ME3: variants seen among roughly 807,000 people sequenced by gnomAD.
ME3 encodes NADP-dependent malic enzyme, mitochondrial.
In ME3, 48 loss-of-function variants were observed where a neutral mutation model predicts 68.9. The observed-to-expected ratio is 0.70, with a 90% CI of 0.55 to 0.89. The LOEUF is 0.89. ME3 is among the 40% of genes least tolerant of loss of function. The pLI is 0.00. For missense variants in ME3, 675 were observed against 797.4 expected (o/e 0.85, Z 1.85); for synonymous variants, 320 against 318.8 (o/e 1.00, Z -0.04).
intron 4 of ME3, among the ~76,000 whole-genome samples, chr11:86,552,018 T>G (rs922717397): frequency 3.3e-5 from 5 of 152,186 alleles, no homozygotes; most frequent in Non-Finnish European, 7.4e-5. Flanking sequence ...TTCAGAGGAC[T>G]GGGGTGGCCT....
chr11:86,480,313 C>G (rs534894510), intron 7 of ME3, among the ~76,000 whole-genome samples: 16 of 152,296 alleles, frequency 1.1e-4, no homozygotes, highest in African/African-American at 3.8e-4. Context: ...GTTGCAGTAC[C>G]TACTGTTTCT....
intron 4 of ME3, among the ~76,000 whole-genome samples, chr11:86,520,030 T>G (rs78303371): frequency 0.045 from 6,919 of 152,278 alleles, 168 homozygotes; most frequent in South Asian, 0.1. Flanking sequence ...TTTGATTATT[T>G]GAACCCACTG....
chr11:86,569,481 A>T (rs1320291393), intron 2 of ME3, among the ~76,000 whole-genome samples: 2 of 152,092 alleles, frequency 1.3e-5, no homozygotes, highest in East Asian at 3.9e-4. Context: ...CCCTTCTCTC[A>T]GAGTCAGTGT....
intron 2 of ME3, among the ~76,000 whole-genome samples, chr11:86,657,149 C>T (rs1945945775): frequency 6.6e-6 from 1 of 152,156 alleles, no homozygotes; most frequent in South Asian, 2.1e-4. Context: ...AATCATTCTG[C>T]TATAAAGACA....
chr11:86,463,156 C>T (rs571580021), intron 8 of ME3, among the ~76,000 whole-genome samples: 63 of 152,280 alleles, frequency 4.1e-4, no homozygotes, highest in Middle Eastern at 3.4e-3. Context: ...CAGGGCCTGG[C>T]CGTGTTCCTG....
At chr11:86,527,275 A>G (rs1378366465) in intron 4 of ME3, among the ~76,000 whole-genome samples, 4 of 152,214 alleles carry the variant, frequency 2.6e-5, no homozygotes, top group Non-Finnish European at 2.9e-5. Flanking sequence ...GTGATGGAAG[A>G]TCAAATGAAT....
chr11:86,443,744 T>G (rs927940051), intron 13 of ME3, among the ~76,000 whole-genome samples: 9 of 152,234 alleles, frequency 5.9e-5, no homozygotes. Flanking sequence ...ATTAGGGAAG[T>G]GGGCCTCCCT....
exon 14 of ME3, chr11:86,442,855 G>A (rs1949076642): frequency 6.2e-7 from 1 of 1,613,512 alleles, no homozygotes; most frequent in Non-Finnish European, 8.5e-7. Context: ...GTCTCGGATG[G>A]TGCTGAGTGG....
chr11:86,540,777 T>G (rs1489896129), intron 4 of ME3, among the ~76,000 whole-genome samples: 1 of 152,154 alleles, frequency 6.6e-6, no homozygotes, highest in Non-Finnish European at 1.5e-5. Flanking sequence ...CAATGATCCT[T>G]TACTCTTCCT....
chr11:86,493,708 A>G (rs771672511), intron 6 of ME3, among the ~76,000 whole-genome samples: 10 of 152,192 alleles, frequency 6.6e-5, no homozygotes, highest in Non-Finnish European at 1.3e-4. Context: ...ATGGCGCCAC[A>G]TATTTATTTT....
intron 2 of ME3, among the ~76,000 whole-genome samples, chr11:86,617,060 T>TG (rs1445782479): frequency 1.4e-5 from 2 of 138,322 alleles, no homozygotes; most frequent in East Asian, 4.2e-4. Flanking sequence ...TTTTTTTTTT[T>TG]TTTTTTTTTT....
At chr11:86,472,886 G>A (rs1054083752) in intron 7 of ME3, among the ~76,000 whole-genome samples, 1 of 152,240 alleles carries the variant, frequency 6.6e-6, no homozygotes, top group African/African-American at 2.4e-5. Context: ...TCAAGGTTGG[G>A]GATGGGGAAA....
At chr11:86,542,190 G>A (rs1231623283) in intron 4 of ME3, among the ~76,000 whole-genome samples, 1 of 152,190 alleles carries the variant, frequency 6.6e-6, no homozygotes, top group East Asian at 1.9e-4. Flanking sequence ...AATCCACAAA[G>A]ATGAGGAAAA....
At chr11:86,563,462 A>G (rs1016741060) in intron 2 of ME3, among the ~76,000 whole-genome samples, 3 of 152,034 alleles carry the variant, frequency 2.0e-5, no homozygotes, top group Non-Finnish European at 4.4e-5. Context: ...GGACACTTAT[A>G]TGTCTTCTTG....
At chr11:86,449,426 A>T (rs950420129) in intron 10 of ME3, among the ~76,000 whole-genome samples, 1 of 152,222 alleles carries the variant, frequency 6.6e-6, no homozygotes, top group Non-Finnish European at 1.5e-5. Context: ...TGGTAAGTAC[A>T]ATGTATGGAG....
intron 7 of ME3, among the ~76,000 whole-genome samples, chr11:86,466,639 A>T (rs1950495108): frequency 6.6e-6 from 1 of 152,202 alleles, no homozygotes; most frequent in South Asian, 2.1e-4. Flanking sequence ...CATTTTTTCC[A>T]GCCTTATAAT....
chr11:86,520,978 C>A (rs1160938442), intron 4 of ME3, among the ~76,000 whole-genome samples: 1 of 152,236 alleles, frequency 6.6e-6, no homozygotes, highest in Non-Finnish European at 1.5e-5. Flanking sequence ...CCAAGGCACG[C>A]AGTTATCTGT....
chr11:86,509,931 AG>A (rs1280776344), intron 4 of ME3, among the ~76,000 whole-genome samples: 8 of 152,222 alleles, frequency 5.3e-5, no homozygotes, highest in African/African-American at 1.9e-4. Context: ...CATAGAATCT[AG>A]GGTACATTGA....
chr11:86,524,538 G>A (rs573836430), intron 4 of ME3, among the ~76,000 whole-genome samples: 7 of 152,260 alleles, frequency 4.6e-5, no homozygotes, highest in Admixed American at 2.0e-4. Context: ...GTAAAAGCTC[G>A]AATCCATTTT....
Sources: allele counts gnomAD v4.1 joint callset (sites outside exome capture counted in the v4.1 genomes callset), GRCh38; gene constraint gnomAD v4.1.1; transcripts MANE v1.5; gene names NCBI Gene and HGNC (gene_info 2026-07-23, HGNC 2026-07-21).